The following SLC24A2 variants were observed in gnomAD, a reference collection of about 807,000 sequenced individuals.
The protein encoded by SLC24A2 is sodium/potassium/calcium exchanger 2.
In SLC24A2, 36 loss-of-function variants were observed where a neutral mutation model predicts 62.0. The ratio of observed to expected loss-of-function variants is 0.58; its 90% confidence interval spans 0.44 to 0.77. The LOEUF (loss-of-function observed/expected upper bound fraction) is 0.77. Ranked by LOEUF, SLC24A2 falls within the 30% of genes least tolerant of loss-of-function variation. SLC24A2 has a pLI of 0.00. For synonymous variants in SLC24A2, 358 were observed against 294.0 expected, an observed-to-expected ratio of 1.22 and a Z score of -2.23; for missense variants, 846 against 817.9, an observed-to-expected ratio of 1.03 and a Z score of -0.42.
the SLC24A2 span, among the ~76,000 whole-genome samples, chr9:20,043,520 C>T: frequency 1.3e-5 from 2 of 152,196 alleles, no homozygotes; most frequent in Non-Finnish European, 2.9e-5. Context: ...ATTTGTGATT[C>T]ATACCAGGAG....
the SLC24A2 span, among the ~76,000 whole-genome samples, chr9:19,873,406 C>CTCTT: frequency 7.1e-6 from 1 of 140,554 alleles, no homozygotes; most frequent in Admixed American, 7.5e-5. Flanking sequence ...TTCCTTCCTT[C>CTCTT]TCTTTCTTTC....
intron 2 of SLC24A2, among the ~76,000 whole-genome samples, chr9:19,716,956 A>G (rs1349777939): frequency 6.6e-6 from 1 of 152,156 alleles, no homozygotes; most frequent in Non-Finnish European, 1.5e-5. Context: ...TTTACAACAC[A>G]CATTCATTGG....
chr9:19,836,775 A>T, the SLC24A2 span, among the ~76,000 whole-genome samples: 1 of 152,198 alleles, frequency 6.6e-6, no homozygotes, highest in Non-Finnish European at 1.5e-5. Flanking sequence ...GACACAACCA[A>T]AAAAGAGAAT....
the SLC24A2 span, among the ~76,000 whole-genome samples, chr9:20,212,755 G>A: frequency 6.6e-6 from 1 of 151,518 alleles, no homozygotes; most frequent in African/African-American, 2.4e-5. Context: ...TGGTTCCCAT[G>A]AAACAATAAC....
At chr9:19,853,074 A>C in the SLC24A2 span, among the ~76,000 whole-genome samples, 1 of 152,114 alleles carries the variant, frequency 6.6e-6, no homozygotes, top group Non-Finnish European at 1.5e-5. Context: ...TTCTCTTTGT[A>C]GCAATTGTGA....
intron 7 of SLC24A2, among the ~76,000 whole-genome samples, chr9:19,565,289 G>A (rs1212453918): frequency 2.0e-5 from 3 of 148,894 alleles, no homozygotes; most frequent in East Asian, 1.9e-4. Context: ...AAATCAATGT[G>A]CAAAAATCAC....
the SLC24A2 span, among the ~76,000 whole-genome samples, chr9:19,852,478 T>C: frequency 6.6e-6 from 1 of 152,322 alleles, no homozygotes; most frequent in East Asian, 1.9e-4. Context: ...CTTTAATCCA[T>C]CTTGAGTTAT....
the SLC24A2 span, among the ~76,000 whole-genome samples, chr9:19,812,932 G>C: frequency 3.1e-3 from 472 of 152,266 alleles, 4 homozygotes; most frequent in African/African-American, 0.011. Context: ...TATTTTCTGG[G>C]CACCTGAAAC....
At chr9:20,232,051 A>G in the SLC24A2 span, among the ~76,000 whole-genome samples, 692 of 152,286 alleles carry the variant, frequency 4.5e-3, 2 homozygotes, top group Non-Finnish European at 7.8e-3. Flanking sequence ...TGATTTGCAT[A>G]TGTTGAACCA....
rs761928450 is a variant in SLC24A2 at position 19,550,118 on chromosome 9, T to G, written c.1479+19A>C. 6 of 1,612,392 alleles carry G rather than the reference T, an allele frequency of 3.7e-6. No individual in the cohort carries two copies. The Admixed American group carries it at 1.0e-4, about 27-fold the overall frequency. ...CCATATGTTTTACAAGGGAACTATT[T>G]TTAAAATGCTTTACTTACAGGTTTG... On this transcript the variant is annotated intron_variant, in intron 8 of 10. Transcript: ENST00000341998.
the SLC24A2 span, among the ~76,000 whole-genome samples, chr9:20,221,910 T>C: frequency 6.6e-6 from 1 of 152,052 alleles, no homozygotes; most frequent in African/African-American, 2.4e-5. Context: ...AGGAAGGAAA[T>C]TATTAAGATT....
intron 2 of SLC24A2, among the ~76,000 whole-genome samples, chr9:19,665,276 A>T (rs887221760): frequency 3.3e-5 from 5 of 152,194 alleles, no homozygotes; most frequent in African/African-American, 1.2e-4. Flanking sequence ...GTTTACGCTC[A>T]CTGGTGGCAG....
intron 2 of SLC24A2, among the ~76,000 whole-genome samples, chr9:19,684,902 C>G (rs528707463): frequency 6.6e-6 from 1 of 152,186 alleles, no homozygotes; most frequent in East Asian, 1.9e-4. Context: ...AAGACAGGAA[C>G]TCAAACTATC....
At chr9:20,033,451 T>C in the SLC24A2 span, among the ~76,000 whole-genome samples, 1 of 147,210 alleles carries the variant, frequency 6.8e-6, no homozygotes, top group Non-Finnish European at 1.5e-5. Flanking sequence ...AAAATACTGG[T>C]CTTAAGAAAT....
At chr9:20,288,960 A>C in the SLC24A2 span, among the ~76,000 whole-genome samples, 1 of 152,016 alleles carries the variant, frequency 6.6e-6, no homozygotes, top group Non-Finnish European at 1.5e-5. Context: ...AGCCGGCATC[A>C]ACCACCAGAC....
At chr9:20,227,884 G>C in the SLC24A2 span, among the ~76,000 whole-genome samples, 8 of 152,078 alleles carry the variant, frequency 5.3e-5, no homozygotes, top group African/African-American at 1.9e-4. Context: ...TCTTCCCAAA[G>C]GAAATGTAGT....
chr9:20,225,183 G>C, the SLC24A2 span, among the ~76,000 whole-genome samples: 1 of 152,058 alleles, frequency 6.6e-6, no homozygotes, highest in Non-Finnish European at 1.5e-5. Context: ...TTAAGTGCTT[G>C]TGTATGTATA....
the SLC24A2 span, among the ~76,000 whole-genome samples, chr9:20,146,819 G>A: frequency 1.3e-5 from 2 of 152,050 alleles, no homozygotes; most frequent in Admixed American, 6.6e-5. Flanking sequence ...ACAGCTGGGG[G>A]ACAGTGGCAG....
At chr9:19,776,891 T>C (rs941970264) in intron 2 of SLC24A2, among the ~76,000 whole-genome samples, 3 of 152,080 alleles carry the variant, frequency 2.0e-5, no homozygotes, top group African/African-American at 7.2e-5. Flanking sequence ...TGAGGGTGAA[T>C]CTCCCACATT....
Sources: gnomAD v4.1 joint callset for allele counts (sites outside exome capture counted in the v4.1 genomes callset) on GRCh38, gnomAD v4.1.1 for gene constraint, MANE v1.5 for transcripts, NCBI Gene and HGNC (gene_info 2026-07-23, HGNC 2026-07-21) for gene names.